Variants in ANKS1B observed in about 807,000 individuals in gnomAD.
ANKS1B encodes ankyrin repeat and sterile alpha motif domain containing 1B, also known as ankyrin repeat and sterile alpha motif domain-containing protein 1B.
Under a neutral mutation model 148.3 loss-of-function variants are expected in ANKS1B, and 36 were observed. That is an observed-to-expected ratio of 0.24 (90% CI 0.19 to 0.32). The LOEUF (loss-of-function observed/expected upper bound fraction) is 0.32, where lower values mean the gene tolerates loss of function less well. Among genes scored for constraint, ANKS1B ranks in the 10% least tolerant of loss-of-function variants. ANKS1B has a pLI of 1.00. For missense variants in ANKS1B, 1,157 were observed against 1,542.6 expected (o/e 0.75, Z 4.19); for synonymous variants, 542 against 560.8 (o/e 0.97, Z 0.47).
At chr12:99,628,108 C>T (rs1358866934) in intron 9 of ANKS1B, among the ~76,000 whole-genome samples, 1 of 152,110 alleles carries the variant, frequency 6.6e-6, no homozygotes, top group Non-Finnish European at 1.5e-5. Flanking sequence ...TGGCCTATTG[C>T]TCCTAGGCTA....
intron 10 of ANKS1B, among the ~76,000 whole-genome samples, chr12:99,467,516 A>C (rs1567161626): frequency 6.6e-6 from 1 of 152,208 alleles, no homozygotes; most frequent in Non-Finnish European, 1.5e-5. Context: ...TTCGCAGATG[A>C]CATGATTGTA....
chr12:98,804,231 A>G (rs1337759706), intron 20 of ANKS1B, among the ~76,000 whole-genome samples: 1 of 152,184 alleles, frequency 6.6e-6, no homozygotes, highest in African/African-American at 2.4e-5. Flanking sequence ...CAGTCCAAAT[A>G]TTGTCAAATT....
At position 99,152,185 on chromosome 12, in the gene ANKS1B, A is replaced by G. The variant is rs530318526; in HGVS notation, c.2526+2104T>C. On this transcript the variant is annotated intron_variant, in intron 15 of 26. Transcript: ENST00000683438. Reference sequence around the variant, plus strand: ...TAAAGGTAGAAATTAATCGCTTATGATACTAGTAGCAAATAAATGGTGTAT... The same window carrying G: ...TAAAGGTAGAAATTAATCGCTTATGGTACTAGTAGCAAATAAATGGTGTAT... 1.8e-3 allele frequency among the ~76,000 whole-genome samples: 281 copies of G among 152,284 alleles called. 1 individual carries two copies. The highest frequency in any genetic ancestry group is 3.3e-3 in the Non-Finnish European group (227 of 68,006).
chr12:99,593,226 T>C lies in ANKS1B; in HGVS notation c.1272+61841A>G, dbSNP rs2097721902. 2.0e-5 allele frequency among the ~76,000 whole-genome samples: 3 copies of C among 151,590 alleles called. No individual in the cohort carries two copies. In the South Asian group the frequency reaches 6.2e-4, roughly 31 times the overall value. ...TGCCCTGGCCAAGAGGAGAGGTCCA[T>C]TCAGATGGTTGGGGTTGGGGGGGTC... is the stretch of plus-strand genomic sequence containing the variant. On this transcript the variant is annotated intron_variant, in intron 9 of 26. Coordinates refer to ENST00000683438, the MANE Select transcript of ANKS1B (RefSeq NM_001352186.2).
chr12:99,889,987 C>G (rs1345548382), intron 1 of ANKS1B, among the ~76,000 whole-genome samples: 1 of 152,112 alleles, frequency 6.6e-6, no homozygotes, highest in African/African-American at 2.4e-5. Flanking sequence ...TGAGAACTGT[C>G]ATAGTTGAAA....
chr12:99,772,533 TG>T (rs755619132), intron 8 of ANKS1B, among the ~76,000 whole-genome samples: 11 of 152,074 alleles, frequency 7.2e-5, no homozygotes, highest in Non-Finnish European at 1.5e-4. Context: ...AAACTATACG[TG>T]TGGCTCTGCT....
intron 9 of ANKS1B, chr12:99,649,402 C>A (rs778705221): frequency 1.3e-6 from 2 of 1,597,758 alleles, no homozygotes; most frequent in Admixed American, 3.3e-5. Context: ...GATATGAATC[C>A]AACATACCTC....
intron 12 of ANKS1B, among the ~76,000 whole-genome samples, chr12:99,289,917 TA>T (rs1280870108): frequency 6.6e-6 from 1 of 151,388 alleles, no homozygotes; most frequent in African/African-American, 2.4e-5. Context: ...AAGAAAGCAA[TA>T]ATAAAGATTA....
intron 8 of ANKS1B, among the ~76,000 whole-genome samples, chr12:99,717,325 A>T (rs1320915625): frequency 6.6e-6 from 1 of 152,224 alleles, no homozygotes; most frequent in Admixed American, 6.5e-5. Flanking sequence ...AAGTAGCAAC[A>T]TATTTCTGAG....
chr12:99,657,255 A>T (rs569600364), intron 8 of ANKS1B, among the ~76,000 whole-genome samples: 12 of 152,178 alleles, frequency 7.9e-5, no homozygotes, highest in Non-Finnish European at 1.6e-4. Flanking sequence ...CGAAGCTGGC[A>T]AGTGGCAGAA....
intron 1 of ANKS1B, among the ~76,000 whole-genome samples, chr12:99,892,477 T>C (rs1480456205): frequency 6.6e-6 from 1 of 152,022 alleles, no homozygotes; most frequent in South Asian, 2.1e-4. Context: ...AGCTAGAAAG[T>C]ATATGGATGA....
At chr12:99,304,029 G>A (rs1016881420) in intron 12 of ANKS1B, among the ~76,000 whole-genome samples, 4 of 151,984 alleles carry the variant, frequency 2.6e-5, no homozygotes, top group African/African-American at 9.7e-5. Context: ...GGGTATTTAG[G>A]TTGGTTCCAT....
At chr12:98,858,167 T>C (rs2099581222) in intron 17 of ANKS1B, among the ~76,000 whole-genome samples, 1 of 152,248 alleles carries the variant, frequency 6.6e-6, no homozygotes, top group African/African-American at 2.4e-5. Flanking sequence ...CTACTCTATG[T>C]ACTCTGGTGC....
At chr12:99,704,703 A>G (rs1478881361) in intron 8 of ANKS1B, among the ~76,000 whole-genome samples, 1 of 152,086 alleles carries the variant, frequency 6.6e-6, no homozygotes, top group Non-Finnish European at 1.5e-5. Context: ...TTCCCAAGCC[A>G]GGTCAAGAAA....
At chr12:99,522,832 G>T (rs977627037) in intron 9 of ANKS1B, among the ~76,000 whole-genome samples, 14 of 152,126 alleles carry the variant, frequency 9.2e-5, no homozygotes, top group African/African-American at 3.4e-4. Flanking sequence ...AATTAGTATT[G>T]GGAATGATCT....
intron 11 of ANKS1B, among the ~76,000 whole-genome samples, chr12:99,418,421 T>C (rs1594411968): frequency 1.3e-5 from 2 of 152,210 alleles, no homozygotes; most frequent in East Asian, 3.8e-4. Context: ...AATTTCTGTG[T>C]ATATATGTTC....
intron 12 of ANKS1B, among the ~76,000 whole-genome samples, chr12:99,247,218 C>T (rs2073975626): frequency 6.6e-6 from 1 of 152,116 alleles, no homozygotes; most frequent in Admixed American, 6.6e-5. Context: ...AGAACACACA[C>T]ATCTAAACTC....
chr12:98,760,631 T>C (rs1434273825), intron 25 of ANKS1B, among the ~76,000 whole-genome samples: 2 of 152,200 alleles, frequency 1.3e-5, no homozygotes, highest in East Asian at 3.8e-4. Flanking sequence ...GCCCATTCAT[T>C]TGGCAAAGAA....
chr12:98,870,851 A>G (rs79893978), intron 17 of ANKS1B, among the ~76,000 whole-genome samples: 2,567 of 152,330 alleles, frequency 0.017, 75 homozygotes, highest in African/African-American at 0.058. Context: ...TGCTTACAAA[A>G]TGCCTTTGCC....
Sources: gnomAD v4.1 joint callset for allele counts (sites outside exome capture counted in the v4.1 genomes callset) on GRCh38, gnomAD v4.1.1 for gene constraint, MANE v1.5 for transcripts, NCBI Gene and HGNC (gene_info 2026-07-23, HGNC 2026-07-21) for gene names.